Variants in TEP1 observed in about 807,000 individuals in gnomAD.
The protein encoded by TEP1 is telomerase protein component 1.
Under a neutral mutation model 306.3 loss-of-function variants are expected in TEP1, and 241 were observed. The ratio of observed to expected loss-of-function variants is 0.79; its 90% CI spans 0.71 to 0.88. The LOEUF (loss-of-function observed/expected upper bound fraction) is 0.88. Among genes scored for constraint, TEP1 ranks in the 40% least tolerant of loss-of-function variants. The probability of loss-of-function intolerance (pLI) is 0.00; values close to 1 mark genes in which losing one functional copy is unlikely to be tolerated. For synonymous variants in TEP1, 1,289 were observed against 1,305.5 expected, an observed-to-expected ratio of 0.99 and a Z score of 0.27; for missense variants, 3,051 against 3,276.1, an observed-to-expected ratio of 0.93 and a Z score of 1.68.
Position 20,404,593 on chromosome 14 carries a change from G to C in TEP1, c.1032+18C>G, listed in dbSNP as rs759288111. 3.1e-6 allele frequency: 5 copies of C among 1,604,872 alleles called. No homozygotes were observed. Among genetic ancestry groups the C allele is most frequent in the Non-Finnish European group, 4.3e-6 (5 of 1,175,398 alleles). On this transcript the variant is annotated intron_variant, in intron 5 of 54. Transcript: ENST00000262715. ...GGAATGAAGTGAAGGCCCAAGCTCA[G>C]GGAAATGAGCACCATACCTGGTAAA...
At chr14:20,400,963 T>C (rs760929596) in intron 9 of TEP1, 21 bp downstream of exon 9, 3 of 1,610,272 alleles carry the variant, frequency 1.9e-6, no homozygotes, top group South Asian at 1.1e-5. Context: ...GGAGGGAATG[T>C]GATGGTCAAG....
At chr14:20,398,334 C>A (rs369419136) in intron 9 of TEP1, among the ~76,000 whole-genome samples, 4 of 148,580 alleles carry the variant, frequency 2.7e-5, no homozygotes, top group African/African-American at 1.0e-4. Context: ...GCCGAGGTCG[C>A]GCCATTGCAC....
intron 17 of TEP1, 149 bp downstream of exon 17, chr14:20,389,089 A>G: frequency 1.5e-6 from 1 of 676,192 alleles, no homozygotes; most frequent in Non-Finnish European, 2.5e-6. Context: ...TGGAGGTTGC[A>G]GTGAGCCAAG....
In TEP1 at chr14:20,406,213, C is replaced by T. The variant is rs1246396458; in HGVS notation, c.735+20G>A. On this transcript the variant is annotated intron_variant, in intron 3 of 54. Transcript: ENST00000262715. ...CCCTCCACACCATTATTAACCTTCCCCTAACTCTTGAATTTTTACCTTCTT... is the reference window on the plus strand; with the variant it reads ...CCCTCCACACCATTATTAACCTTCCTCTAACTCTTGAATTTTTACCTTCTT... 1 of 1,613,522 alleles carries T rather than the reference C, an allele frequency of 6.2e-7. No homozygotes were observed. The highest frequency in any genetic ancestry group is 1.7e-5 in the Admixed American group (1 of 60,004).
At position 20,381,520 on chromosome 14, in the gene TEP1, C is replaced by A; in HGVS notation, c.4558+33G>T. On this transcript the variant is annotated intron_variant, in intron 31 of 54. Transcript: ENST00000262715. This position sits in a 1 kb window ranked among gnomAD's most constrained non-coding sequence, Gnocchi z 4.0. ...CTGGCCTCCAGGCCCAAGCCCCACA[C>A]TCAGTGCCCAGGCTGACTTGGGCTG... is the stretch of plus-strand genomic sequence containing the variant. The A allele has an allele frequency of 7.4e-6, 12 of 1,613,152 alleles. No individual in the cohort carries two copies. Among genetic ancestry groups the A allele is most frequent in the Non-Finnish European group, 1.0e-5 (12 of 1,180,016 alleles).
At chr14:20,378,679 G>T in intron 37 of TEP1, 75 bp downstream of exon 37, 2 of 1,576,988 alleles carry the variant, frequency 1.3e-6, no homozygotes, top group South Asian at 1.1e-5. Flanking sequence ...AGCCTCTGCC[G>T]CACTGAGAGA....
chr14:20,381,945 G>A lies in TEP1; in HGVS notation c.4392C>T (p.Gly1464=), dbSNP rs888214836. 3.1e-6 allele frequency: 5 copies of A among 1,613,978 alleles called. No homozygotes were observed. The African/African-American group carries it at 6.7e-5, about 22-fold the overall frequency. The change falls in exon 30 of 55, where the codon GGC becomes GGT. Residue 1464 remains glycine (G), a synonymous_variant. Coordinates refer to ENST00000262715, the MANE Select transcript of TEP1 (RefSeq NM_007110.5). This position sits in a 1 kb window ranked among gnomAD's most constrained non-coding sequence, Gnocchi z 4.0. ...AGNSGDPYPM[G]PFACLVQSLR... ...GACTCTGGACGAGGCAGGCAAACGG[G>A]CCCATGGGGTAGGGGTCTCCACTGT...
chr14:20,378,068 G>A lies in TEP1; in HGVS notation c.5677C>T (p.Leu1893=), dbSNP rs1885300372. 6.2e-7 allele frequency: 1 copy of A among 1,613,728 alleles called. No individual in the cohort carries two copies. Among genetic ancestry groups the A allele is most frequent in the Non-Finnish European group, 8.5e-7 (1 of 1,180,048 alleles). ...HHGFVAAALF[L]HAGCQLLTAG... Reference sequence around the variant, plus strand: ...GTCAGTAACTGGCAACCCGCATGCAGGAAAAGCGCAGCAGCAACAAAGCCA... The same window carrying A: ...GTCAGTAACTGGCAACCCGCATGCAAGAAAAGCGCAGCAGCAACAAAGCCA... Residue 1893 remains leucine, a synonymous_variant, in exon 39 of 55, where the codon CTG becomes TTG. Transcript: ENST00000262715.
intron 8 of TEP1, 106 bp downstream of exon 8, chr14:20,401,351 T>G: frequency 1.3e-6 from 2 of 1,514,230 alleles, no homozygotes; most frequent in Non-Finnish European, 1.8e-6. Flanking sequence ...CATGTCTGTC[T>G]AAAGTCATGT....
chr14:20,395,860 T>C lies in TEP1; in HGVS notation c.1749A>G (p.Gln583=), dbSNP rs753773035. The change falls in exon 11 of 55, where the codon CAA becomes CAG. Residue 583 remains glutamine (Q), a splice_region_variant and synonymous_variant. Transcript: ENST00000262715. ...GAGTTGGAAGAAAGGGGAGAATACC[T>C]TGATTTCTGAGTTGAGCCTCGAGGG... ...IDALEAQLRN[Q]ALPFPSNITL... The C allele has an allele frequency of 2.5e-6, 4 of 1,613,492 alleles. No homozygotes were observed. The highest frequency in any genetic ancestry group is 2.5e-6 in the Non-Finnish European group (3 of 1,179,576).
At chr14:20,384,856 G>T in intron 21 of TEP1, 129 bp downstream of exon 21, 1 of 1,509,856 alleles carries the variant, frequency 6.6e-7, no homozygotes, top group Non-Finnish European at 9.0e-7. Context: ...ACGTGGGGCT[G>T]CAAAGGCATG....
At chr14:20,384,915 C>A in intron 21 of TEP1, 70 bp downstream of exon 21, 1 of 1,606,860 alleles carries the variant, frequency 6.2e-7, no homozygotes, top group Non-Finnish European at 8.5e-7. Context: ...ACTCTGAATA[C>A]TGAGGAGAGA....
chr14:20,379,108 G>C lies in TEP1; in HGVS notation c.5128-3C>G. The C allele has an allele frequency of 6.2e-7, 1 of 1,613,960 alleles. No individual in the cohort carries two copies. Among genetic ancestry groups the C allele is most frequent in the Non-Finnish European group, 8.5e-7 (1 of 1,179,918 alleles). On this transcript the variant is annotated splice_polypyrimidine_tract_variant and splice_region_variant and intron_variant, in intron 35 of 54. Transcript: ENST00000262715. ...CCACTCACCACAGACTTCTCCTCCT[G>C]CGACAGTGGGTGAGGGAGCGCAGCT...
chr14:20,375,009 C>T (rs1461570427), intron 43 of TEP1, among the ~76,000 whole-genome samples: 3 of 150,018 alleles, frequency 2.0e-5, no homozygotes, highest in East Asian at 2.0e-4. Flanking sequence ...GAGAATCATT[C>T]GAACCTGGGA....
In TEP1 at chr14:20,386,109, C is replaced by G. The variant is rs759869254; in HGVS notation, c.2948G>C (p.Ser983Thr). Residue 983 changes from serine to threonine, a missense_variant, in exon 20 of 55, where the codon AGC becomes ACC. Around this residue, in one of 3 missense-constraint regions of TEP1, gnomAD observed 1,507 missense variants for 1,550.5 expected, o/e 0.97. Transcript: ENST00000262715. The part of the protein sequence containing the change: ...LGSRYGYIPP[S>T]YNLPDHPHFH... ...GTGTGGATGGTCAGGAAGGTTGTAG[C>G]TGGGGGGAATGTATCCATAACGGGA... 1 of 1,612,980 alleles carries G rather than the reference C, an allele frequency of 6.2e-7. No homozygotes were observed.
rs148544268 is a variant in TEP1, at chr14:20,400,827, C to T, written c.1549+157G>A. On this transcript the variant is annotated intron_variant, in intron 9 of 54. Coordinates refer to ENST00000262715, the MANE Select transcript of TEP1 (RefSeq NM_007110.5). ...TACTCAAAGCAGGTACCACTGTTTACTTTGGTGTAGTCAATGGCAGACCTT... is the reference window on the plus strand; with the variant it reads ...TACTCAAAGCAGGTACCACTGTTTATTTTGGTGTAGTCAATGGCAGACCTT... The T allele has an allele frequency of 6.0e-4, 531 of 885,904 alleles. 2 individuals are homozygous for T. In the African/African-American group the frequency reaches 8.2e-3, roughly 14 times the overall value. The allele number at this position is 885,904 out of a possible 1,614,324, so 54.9% of individuals were successfully genotyped here.
intron 1 of TEP1, among the ~76,000 whole-genome samples, chr14:20,410,881 G>A (rs975888761): frequency 1.4e-4 from 20 of 140,266 alleles, no homozygotes; most frequent in African/African-American, 4.5e-4. Flanking sequence ...GAGTGCAGTC[G>A]CACAGTCTCA....
chr14:20,410,688 C>T (rs1273242684), intron 1 of TEP1, among the ~76,000 whole-genome samples: 1 of 151,764 alleles, frequency 6.6e-6, no homozygotes, highest in Non-Finnish European at 1.5e-5. Flanking sequence ...GATCCACCCA[C>T]CTTGGCCTCC....
chr14:20,388,241 C>A (rs1877375898), intron 17 of TEP1, among the ~76,000 whole-genome samples, 178 bp from the exon 18 acceptor site: 1 of 152,182 alleles, frequency 6.6e-6, no homozygotes, highest in Non-Finnish European at 1.5e-5. Context: ...GGATGCAGAA[C>A]CACAGGAATG....
Sources: allele counts gnomAD v4.1 joint callset (sites outside exome capture counted in the v4.1 genomes callset), GRCh38; gene constraint gnomAD v4.1.1; regional missense constraint gnomAD v4.1.1; non-coding constraint Gnocchi (gnomAD v3.1); transcripts MANE v1.5; gene names NCBI Gene and HGNC (gene_info 2026-07-23, HGNC 2026-07-21).